Variants in CALN1 observed in about 807,000 individuals in gnomAD.
CALN1 encodes the protein calcium-binding protein 8.
CALN1 carries 17 observed loss-of-function variants against 30.6 expected under a neutral mutation model. The observed-to-expected ratio is 0.56, with a 90% CI of 0.38 to 0.83. The LOEUF (loss-of-function observed/expected upper bound fraction) is 0.83, where lower values mean the gene tolerates loss of function less well. Ranked by LOEUF, CALN1 falls within the 40% of genes least tolerant of loss-of-function variation. The probability of loss-of-function intolerance (pLI) is 0.00; values close to 1 mark genes in which losing one functional copy is unlikely to be tolerated. For synonymous variants in CALN1, 156 were observed against 131.4 expected, an observed-to-expected ratio of 1.19 and a Z score of -1.28; for missense variants, 291 against 354.9, an observed-to-expected ratio of 0.82 and a Z score of 1.45.
At chr7:72,295,170 T>A (rs78849324) in intron 2 of CALN1, among the ~76,000 whole-genome samples, 16,181 of 152,194 alleles carry the variant, frequency 0.11, 1,114 homozygotes, top group Middle Eastern at 0.19. Flanking sequence ...AAAATTTTTT[T>A]AAAATAAAAT....
intron 4 of CALN1, among the ~76,000 whole-genome samples, chr7:72,099,222 G>A (rs1360699525): frequency 2.0e-5 from 3 of 151,342 alleles, no homozygotes; most frequent in Non-Finnish European, 2.9e-5. Context: ...TACGGACCAG[G>A]AGGCATGGTC....
intron 3 of CALN1, among the ~76,000 whole-genome samples, chr7:72,123,595 G>C (rs1489122654): frequency 6.6e-6 from 1 of 152,198 alleles, no homozygotes; most frequent in Non-Finnish European, 1.5e-5. Context: ...ATCGTGGAAA[G>C]GATTGAGACT....
intron 2 of CALN1, among the ~76,000 whole-genome samples, chr7:72,284,371 G>A (rs2677274): frequency 0.69 from 105,109 of 152,092 alleles, 36,897 homozygotes; most frequent in East Asian, 1. Context: ...GTGATGGTCA[G>A]TTTTATGTGT....
intron 5 of CALN1, among the ~76,000 whole-genome samples, chr7:71,865,643 G>A (rs1162354300): frequency 6.6e-6 from 1 of 152,138 alleles, no homozygotes; most frequent in African/African-American, 2.4e-5. Flanking sequence ...TGTCACAATG[G>A]CTAACCTTGG....
intron 5 of CALN1, among the ~76,000 whole-genome samples, chr7:71,851,252 C>CA (rs1491431075): frequency 4.0e-5 from 6 of 149,578 alleles, no homozygotes; most frequent in East Asian, 3.9e-4. Context: ...CACACACACA[C>CA]ATCACACATA....
chr7:72,336,722 T>TC (rs1383947675), intron 2 of CALN1: 1 of 984,952 alleles, frequency 1.0e-6, no homozygotes, highest in Non-Finnish European at 1.2e-6. Context: ...GGGCCGGGGC[T>TC]CCGCAGCCCG....
intron 3 of CALN1, among the ~76,000 whole-genome samples, chr7:72,240,383 T>G (rs1439732826): frequency 6.6e-6 from 1 of 151,980 alleles, no homozygotes; most frequent in East Asian, 1.9e-4. Flanking sequence ...TTTGTAGAGT[T>G]CGAGTCTTGC....
intron 2 of CALN1, among the ~76,000 whole-genome samples, chr7:72,287,848 A>G (rs753776580): frequency 6.6e-6 from 1 of 152,114 alleles, no homozygotes; most frequent in Non-Finnish European, 1.5e-5. Flanking sequence ...CTCTTCATAT[A>G]TATTTGCAGG....
At chr7:71,795,640 T>C (rs1337683245) in intron 6 of CALN1, among the ~76,000 whole-genome samples, 1 of 152,066 alleles carries the variant, frequency 6.6e-6, no homozygotes, top group African/African-American at 2.4e-5. Context: ...CTCATTCCGC[T>C]CGCTCTGCAG....
intron 2 of CALN1, among the ~76,000 whole-genome samples, chr7:72,391,355 G>T (rs1361180142): frequency 6.6e-6 from 1 of 152,164 alleles, no homozygotes; most frequent in African/African-American, 2.4e-5. Flanking sequence ...TCCTCAGATT[G>T]CTGGAAGGCA....
intron 3 of CALN1, among the ~76,000 whole-genome samples, chr7:72,174,772 C>T (rs894555487): frequency 6.6e-6 from 1 of 152,156 alleles, no homozygotes; most frequent in Non-Finnish European, 1.5e-5. Flanking sequence ...GAAGGAATTG[C>T]AAGGACCATC....
intron 4 of CALN1, among the ~76,000 whole-genome samples, chr7:72,057,280 G>A (rs765578091): frequency 8.6e-5 from 13 of 151,864 alleles, no homozygotes; most frequent in African/African-American, 3.1e-4. Flanking sequence ...TACACAGTTT[G>A]CTGAGTCTTC....
chr7:71,903,061 A>G (rs977427063), intron 5 of CALN1, among the ~76,000 whole-genome samples: 1 of 151,888 alleles, frequency 6.6e-6, no homozygotes, highest in Non-Finnish European at 1.5e-5. Flanking sequence ...ACTTTTTTTT[A>G]AAAAAAGTAA....
rs1554436708 is a variant in CALN1, at chr7:72,088,784, G to GGAA, written c.388+17366_388+17367insTTC. Among the ~76,000 whole-genome samples the GGAA allele has an allele frequency of 1.1e-4, 17 of 149,106 alleles. No individual in the cohort carries two copies. The South Asian group carries it at 2.1e-3, about 19-fold the overall frequency. On this transcript the variant is annotated intron_variant, in intron 4 of 6. Transcript: ENST00000395275. Reference sequence around the variant, plus strand: ...GAAGGAAGAGAAGTAAGAGAAGGAAGGGAAGGAAGGAAGGAGGTTACGGCC... The same window carrying GGAA: ...GAAGGAAGAGAAGTAAGAGAAGGAAGGAAGGAAGGAAGGAAGGAGGTTACGGCC...
upstream of CALN1, among the ~76,000 whole-genome samples, chr7:72,414,213 A>G (rs1232212463): frequency 6.6e-6 from 1 of 152,116 alleles, no homozygotes; most frequent in Non-Finnish European, 1.5e-5. Flanking sequence ...CCAGAGGCCC[A>G]TGGGCCTCCT....
At chr7:72,119,908 A>G (rs1808258671) in intron 3 of CALN1, among the ~76,000 whole-genome samples, 1 of 152,228 alleles carries the variant, frequency 6.6e-6, no homozygotes, top group Admixed American at 6.5e-5. Context: ...CAGCCAAATC[A>G]TATGAGATAT....
chr7:71,919,498 T>C (rs1249643411), intron 5 of CALN1, among the ~76,000 whole-genome samples: 3 of 152,230 alleles, frequency 2.0e-5, no homozygotes, highest in Non-Finnish European at 4.4e-5. Flanking sequence ...ACATAGTCCC[T>C]GATCTCAATG....
At chr7:72,317,768 A>C (rs1800587033) in intron 2 of CALN1, among the ~76,000 whole-genome samples, 1 of 152,128 alleles carries the variant, frequency 6.6e-6, no homozygotes, top group Non-Finnish European at 1.5e-5. Context: ...AAAAGAACTC[A>C]ATGTCTCCCT....
At chr7:71,876,185 G>A (rs1343025507) in intron 5 of CALN1, among the ~76,000 whole-genome samples, 1 of 152,190 alleles carries the variant, frequency 6.6e-6, no homozygotes, top group Admixed American at 6.5e-5. Flanking sequence ...GGTGTTGAGA[G>A]GTAGTAGAAC....
Sources: allele counts gnomAD v4.1 joint callset (sites outside exome capture counted in the v4.1 genomes callset), GRCh38; gene constraint gnomAD v4.1.1; transcripts MANE v1.5; gene names NCBI Gene and HGNC (gene_info 2026-07-23, HGNC 2026-07-21).